The following COG5 variants were observed in gnomAD, a reference collection of about 807,000 sequenced individuals.
COG5 encodes the protein component of oligomeric golgi complex 5.
A neutral mutation model predicts 110.4 loss-of-function variants in COG5; 86 were observed. The ratio of observed to expected loss-of-function variants is 0.78; its 90% CI spans 0.65 to 0.93. The LOEUF is 0.93. Among genes scored for constraint, COG5 ranks in the 40% least tolerant of loss-of-function variants. The probability of loss-of-function intolerance (pLI) is 0.00; values close to 1 mark genes in which losing one functional copy is unlikely to be tolerated. For synonymous variants in COG5, 360 were observed against 334.6 expected, an observed-to-expected ratio of 1.08 and a Z score of -0.83; for missense variants, 1,077 against 987.0, an observed-to-expected ratio of 1.09 and a Z score of -1.22.
intron 6 of COG5, among the ~76,000 whole-genome samples, chr7:107,497,904 A>G (rs1305971883): frequency 6.6e-6 from 1 of 152,194 alleles, no homozygotes; most frequent in African/African-American, 2.4e-5. Context: ...ACAAAGCTAT[A>G]ATAATTAAAT....
At chr7:107,233,656 A>C (rs540423297) in intron 18 of COG5, among the ~76,000 whole-genome samples, 9 of 152,210 alleles carry the variant, frequency 5.9e-5, no homozygotes. Context: ...TTTTATCACA[A>C]GAACAGTTTT....
intron 19 of COG5, among the ~76,000 whole-genome samples, chr7:107,229,827 G>GT (rs142759073): frequency 0.2 from 25,516 of 129,118 alleles, 2,461 homozygotes; most frequent in Non-Finnish European, 0.24. Context: ...AGATTCTTCT[G>GT]TTTTTTTTTT....
chr7:107,503,177 T>C (rs973181527), intron 6 of COG5, among the ~76,000 whole-genome samples: 8 of 152,276 alleles, frequency 5.3e-5, no homozygotes, highest in East Asian at 3.9e-4. Context: ...TTGATTTTTA[T>C]ATAAAGTGAG....
intron 6 of COG5, among the ~76,000 whole-genome samples, chr7:107,449,087 A>G (rs1795177312): frequency 6.6e-6 from 1 of 152,146 alleles, no homozygotes; most frequent in East Asian, 1.9e-4. Flanking sequence ...CGAAAATCAA[A>G]CACCACATGT....
chr7:107,324,792 TTCTTC>T (rs1228968592), intron 10 of COG5, among the ~76,000 whole-genome samples: 2 of 152,212 alleles, frequency 1.3e-5, no homozygotes, highest in African/African-American at 4.8e-5. Flanking sequence ...AGGGCCTTTG[TTCTTC>T]ATATGAAAAA....
At chr7:107,489,787 T>G (rs1160096716) in intron 6 of COG5, among the ~76,000 whole-genome samples, 1 of 152,092 alleles carries the variant, frequency 6.6e-6, no homozygotes, top group Admixed American at 6.6e-5. Context: ...AGCAAATAAT[T>G]GCCCAAGAGA....
intron 19 of COG5, among the ~76,000 whole-genome samples, chr7:107,225,904 A>G (rs773278931): frequency 6.6e-5 from 10 of 152,266 alleles, no homozygotes; most frequent in Non-Finnish European, 8.8e-5. Context: ...TTTGCCGGGC[A>G]TGGTGGCAGG....
intron 6 of COG5, among the ~76,000 whole-genome samples, chr7:107,519,312 G>T (rs569123810): frequency 2.3e-4 from 35 of 152,178 alleles, no homozygotes; most frequent in African/African-American, 7.9e-4. Flanking sequence ...GAGCAGAACT[G>T]AAGGAGACAC....
intron 10 of COG5, among the ~76,000 whole-genome samples, chr7:107,352,403 T>G (rs185059047): frequency 2.7e-5 from 4 of 149,308 alleles, no homozygotes; most frequent in Non-Finnish European, 4.4e-5. Flanking sequence ...ATACAATGTA[T>G]ACATATGGAA....
intron 7 of COG5, among the ~76,000 whole-genome samples, chr7:107,405,520 G>C (rs1255746004): frequency 2.6e-5 from 4 of 152,160 alleles, no homozygotes; most frequent in Non-Finnish European, 5.9e-5. Context: ...TTGACTTTGT[G>C]AGAAAGCCAG....
intron 6 of COG5, among the ~76,000 whole-genome samples, chr7:107,510,428 G>A (rs866883124): frequency 6.6e-6 from 1 of 152,164 alleles, no homozygotes; most frequent in South Asian, 2.1e-4. Flanking sequence ...AAGAGACTTA[G>A]ACTCCTACAC....
intron 11 of COG5, among the ~76,000 whole-genome samples, chr7:107,310,104 T>C (rs1331579045): frequency 6.6e-6 from 1 of 152,218 alleles, no homozygotes; most frequent in East Asian, 1.9e-4. Flanking sequence ...CATTCCTTTT[T>C]TCCCCTCATT....
intron 3 of COG5, among the ~76,000 whole-genome samples, chr7:107,552,870 C>A (rs998280628): frequency 2.0e-5 from 3 of 152,026 alleles, no homozygotes; most frequent in African/African-American, 7.2e-5. Flanking sequence ...AACCTAGGTG[C>A]CCAACAACAG....
intron 6 of COG5, among the ~76,000 whole-genome samples, chr7:107,432,765 C>CA (rs977705269): frequency 1.1e-4 from 16 of 151,332 alleles, no homozygotes; most frequent in Admixed American, 2.6e-4. Flanking sequence ...TCCATTTTCG[C>CA]AAAAAAAATT....
chr7:107,481,355 G>C (rs530540180), intron 6 of COG5, among the ~76,000 whole-genome samples: 18 of 151,844 alleles, frequency 1.2e-4, no homozygotes, highest in Non-Finnish European at 2.2e-4. Context: ...CATAAGATTT[G>C]AAAAATTAAA....
chr7:107,290,052 A>G (rs1806036308), intron 12 of COG5, among the ~76,000 whole-genome samples: 1 of 148,814 alleles, frequency 6.7e-6, no homozygotes, highest in South Asian at 2.1e-4. Flanking sequence ...TACAATGACA[A>G]TATTAGAAAT....
At position 107,551,212 on chromosome 7, in the gene COG5, T is replaced by C. The variant is rs183525185; in HGVS notation, c.293-2880A>G. Among the ~76,000 whole-genome samples the C allele has an allele frequency of 5.5e-3, 843 of 152,110 alleles. 9 individuals carry two copies. The highest frequency in any genetic ancestry group is 0.02 in the African/African-American group (812 of 41,490). On this transcript the variant is annotated intron_variant, in intron 3 of 21. Coordinates refer to ENST00000297135, the MANE Select transcript of COG5 (RefSeq NM_006348.5). ...CACCCACCACCACACCTGGCTAATT[T>C]TTTGTATTTTTAGTAGACACGGGGT...
At chr7:107,338,928 C>T (rs763350652) in intron 10 of COG5, among the ~76,000 whole-genome samples, 2 of 152,032 alleles carry the variant, frequency 1.3e-5, no homozygotes, top group African/African-American at 2.4e-5. Context: ...AACACACACA[C>T]TTTACATGGC....
In COG5 at chr7:107,540,872, C is replaced by T. The variant is rs934908715; in HGVS notation, c.417+7239G>A. ...AAATGTTAAAATATATTTTATAGGC[C>T]GGGCACGGTGGCTCATGCCTATAAT... On this transcript the variant is annotated intron_variant, in intron 5 of 21. Coordinates refer to ENST00000297135, the MANE Select transcript of COG5 (RefSeq NM_006348.5). 4.6e-5 allele frequency among the ~76,000 whole-genome samples: 7 copies of T among 151,804 alleles called. No homozygotes were observed. The East Asian group carries it at 7.8e-4, about 17-fold the overall frequency.
Sources: gnomAD v4.1 joint callset for allele counts (sites outside exome capture counted in the v4.1 genomes callset) on GRCh38, gnomAD v4.1.1 for gene constraint, MANE v1.5 for transcripts, NCBI Gene and HGNC (gene_info 2026-07-23, HGNC 2026-07-21) for gene names.